Variants in NFIA observed in about 807,000 individuals in gnomAD.
NFIA encodes nuclear factor 1 A-type.
Under a neutral mutation model 62.8 loss-of-function variants are expected in NFIA, and 8 were observed. That is an observed-to-expected ratio of 0.13 (90% CI 0.07 to 0.23). NFIA has a LOEUF of 0.23. Ranked by LOEUF, NFIA falls within the 10% of genes least tolerant of loss-of-function variation. The pLI is 1.00. For synonymous variants in NFIA, 235 were observed against 238.1 expected (o/e 0.99, Z 0.12); for missense variants, 410 against 642.1 (o/e 0.64, Z 3.91).
chr1:61,342,193 ATTT>A (rs113110354), intron 4 of NFIA, among the ~76,000 whole-genome samples: 6,278 of 146,818 alleles, frequency 0.043, 432 homozygotes, highest in African/African-American at 0.15. Flanking sequence ...ATTGAAAACT[ATTT>A]TTTTTTTTTG....
chr1:61,120,306 A>G (rs1454364672), intron 2 of NFIA, among the ~76,000 whole-genome samples: 1 of 152,238 alleles, frequency 6.6e-6, no homozygotes, highest in South Asian at 2.1e-4. Context: ...CCACTCACAT[A>G]AGCTTACTAA....
At chr1:61,270,487 T>C (rs1183416746) in intron 2 of NFIA, among the ~76,000 whole-genome samples, 1 of 152,212 alleles carries the variant, frequency 6.6e-6, no homozygotes, top group Non-Finnish European at 1.5e-5. Context: ...TCAATAAAAG[T>C]TTGTGCAGAC....
intron 1 of NFIA, among the ~76,000 whole-genome samples, chr1:61,087,917 T>G (rs1245320557): frequency 6.6e-6 from 1 of 152,118 alleles, no homozygotes; most frequent in Non-Finnish European, 1.5e-5. Flanking sequence ...TAAAACAGTT[T>G]TTTAATTTTC....
intron 1 of NFIA, among the ~76,000 whole-genome samples, chr1:61,087,277 T>G (rs998459764): frequency 2.6e-5 from 4 of 152,104 alleles, no homozygotes; most frequent in Non-Finnish European, 5.9e-5. Context: ...AAATAGTATT[T>G]GCAAAAATTA....
chr1:61,109,712 T>C (rs1006679509), intron 2 of NFIA, among the ~76,000 whole-genome samples: 2 of 151,968 alleles, frequency 1.3e-5, no homozygotes, highest in African/African-American at 4.8e-5. Context: ...CAGAACATTT[T>C]CAAAGGAATA....
intron 2 of NFIA, among the ~76,000 whole-genome samples, chr1:61,140,330 G>A (rs1647409124): frequency 8.3e-6 from 1 of 120,402 alleles, no homozygotes; most frequent in Admixed American, 1.2e-4. Context: ...CAGGATGTTG[G>A]TAAATATCTG....
At chr1:61,116,797 T>C (rs773599752) in intron 2 of NFIA, among the ~76,000 whole-genome samples, 1 of 152,146 alleles carries the variant, frequency 6.6e-6, no homozygotes, top group Non-Finnish European at 1.5e-5. Flanking sequence ...AGCCATGGAG[T>C]ATTCTAAATG....
intron 2 of NFIA, among the ~76,000 whole-genome samples, chr1:61,260,373 T>C (rs566488427): frequency 6.6e-6 from 1 of 152,202 alleles, no homozygotes; most frequent in Non-Finnish European, 1.5e-5. Context: ...GGCGAATGAA[T>C]TCATCAGCGG....
intron 2 of NFIA, among the ~76,000 whole-genome samples, chr1:61,245,958 A>T (rs1055451384): frequency 6.6e-6 from 1 of 152,172 alleles, no homozygotes; most frequent in African/African-American, 2.4e-5. Context: ...GAAATTCACT[A>T]TGAGCCTTGT....
chr1:61,443,703 C>G (rs944547281), intron 10 of NFIA, among the ~76,000 whole-genome samples: 3 of 152,206 alleles, frequency 2.0e-5, no homozygotes, highest in Admixed American at 6.5e-5. Context: ...TACCCACTTG[C>G]TTGCTGTTAT....
chr1:61,412,502 T>A (rs1666150792), intron 9 of NFIA, among the ~76,000 whole-genome samples: 1 of 152,070 alleles, frequency 6.6e-6, no homozygotes, highest in Admixed American at 6.6e-5. Flanking sequence ...TTGAGAAGAA[T>A]TGGTGATGAT....
chr1:61,134,278 GTGTGTGTGTA>G (rs987545427), intron 2 of NFIA, among the ~76,000 whole-genome samples: 2 of 142,470 alleles, frequency 1.4e-5, no homozygotes, highest in African/African-American at 2.8e-5. Context: ...GTGTGTGTGT[GTGTGTGTGTA>G]CAGAAAATCC....
chr1:61,097,204 T>C (rs1460550197), intron 2 of NFIA, among the ~76,000 whole-genome samples: 1 of 152,178 alleles, frequency 6.6e-6, no homozygotes, highest in Non-Finnish European at 1.5e-5. Context: ...TCTAGTTCCA[T>C]ACTGTATGTA....
chr1:61,120,805 G>A (rs961707182), intron 2 of NFIA, among the ~76,000 whole-genome samples: 1 of 152,090 alleles, frequency 6.6e-6, no homozygotes, highest in Non-Finnish European at 1.5e-5. Context: ...TAAGGAGAAT[G>A]GAAATATTGG....
chr1:61,268,827 C>A (rs1411558876), intron 2 of NFIA, among the ~76,000 whole-genome samples: 1 of 152,098 alleles, frequency 6.6e-6, no homozygotes, highest in South Asian at 2.1e-4. Context: ...TGGCTTGCAT[C>A]GATCAAAACT....
At chr1:61,131,802 T>C (rs1647084664) in intron 2 of NFIA, among the ~76,000 whole-genome samples, 1 of 152,188 alleles carries the variant, frequency 6.6e-6, no homozygotes, top group African/African-American at 2.4e-5. Context: ...TTTGCAGATC[T>C]GGTTGAATTT....
At position 61,217,223 on chromosome 1, in the gene NFIA, A is replaced by AT. The variant is rs563343640; in HGVS notation, c.560-60284dup. 8.1e-3 allele frequency among the ~76,000 whole-genome samples: 1,136 copies of AT among 139,980 alleles called. 12 individuals carry two copies. Among genetic ancestry groups the AT allele is most frequent in the Admixed American group, 0.023 (321 of 13,996 alleles). 91.8% of individuals were successfully genotyped at this position (139,980 alleles called of 152,430 possible). On this transcript the variant is annotated intron_variant, in intron 2 of 10. Coordinates refer to ENST00000403491, the MANE Select transcript of NFIA (RefSeq NM_001134673.4). ...CGGCACATGCCACCACACCTTGCTAATTTTTTTTTTTTTGTTTTGTATTTT... is the reference window on the plus strand; with the variant it reads ...CGGCACATGCCACCACACCTTGCTAATTTTTTTTTTTTTTGTTTTGTATTTT...
chr1:61,286,382 T>G (rs866967494), intron 3 of NFIA, among the ~76,000 whole-genome samples: 1 of 147,248 alleles, frequency 6.8e-6, no homozygotes, highest in Non-Finnish European at 1.5e-5. Context: ...GAGCAGAGAT[T>G]GCGCCACTGC....
chr1:61,429,413 C>T (rs1405835546), intron 10 of NFIA, among the ~76,000 whole-genome samples: 4 of 152,194 alleles, frequency 2.6e-5, no homozygotes, highest in African/African-American at 7.2e-5. Flanking sequence ...AAGGCCTGTG[C>T]TCTCTAACCA....
Sources: allele counts gnomAD v4.1 joint callset (sites outside exome capture counted in the v4.1 genomes callset), GRCh38; gene constraint gnomAD v4.1.1; transcripts MANE v1.5; gene names NCBI Gene and HGNC (gene_info 2026-07-23, HGNC 2026-07-21).